The following NEGR1 variants were observed in gnomAD, a reference collection of about 807,000 sequenced individuals.
NEGR1 encodes the protein neuronal growth regulator 1, also known as IgLON family member 4.
In NEGR1, 10 loss-of-function variants were observed where a neutral mutation model predicts 40.9. That is an observed-to-expected ratio of 0.24 (90% CI 0.15 to 0.42). The LOEUF (loss-of-function observed/expected upper bound fraction) is 0.42, where lower values mean the gene tolerates loss of function less well. NEGR1 is among the 10% of genes least tolerant of loss of function. NEGR1 has a pLI of 1.00. For missense variants in NEGR1, 352 were observed against 438.9 expected (o/e 0.80, Z 1.77); for synonymous variants, 185 against 166.8 (o/e 1.11, Z -0.84).
rs1275609590 is a variant in NEGR1, at chr1:71,406,231, A to G, written c.*1215T>C. 1.3e-5 allele frequency: 2 copies of G among 151,930 alleles called. No individual in the cohort carries two copies. Among genetic ancestry groups the G allele is most frequent in the Non-Finnish European group, 2.9e-5 (2 of 67,880 alleles). The allele number at this position is 151,930 out of a possible 1,614,324, so 9.4% of individuals were successfully genotyped here. A position where few individuals can be genotyped will look rare whatever the true frequency, so the allele number is the denominator to read the frequency against. On this transcript the variant is annotated 3_prime_UTR_variant, in exon 7 of 7. Transcript: ENST00000357731. ...TACATACCGATATAGAATGTTTGTT[A>G]TAATATATTTTGGAAGTTTTAAAAT...
intron 1 of NEGR1, among the ~76,000 whole-genome samples, chr1:72,071,908 A>G (rs1343934465): frequency 2.0e-5 from 3 of 152,128 alleles, no homozygotes; most frequent in Admixed American, 1.3e-4. Context: ...AAATGTAAAC[A>G]TTGTGCTCTC....
At chr1:72,031,495 C>T (rs901635249) in intron 1 of NEGR1, among the ~76,000 whole-genome samples, 10 of 152,234 alleles carry the variant, frequency 6.6e-5, no homozygotes, top group Middle Eastern at 3.4e-3. Flanking sequence ...AAAATTGACC[C>T]CTTTCAATTG....
intron 1 of NEGR1, among the ~76,000 whole-genome samples, chr1:72,085,037 C>G (rs936065005): frequency 2.0e-5 from 3 of 152,132 alleles, no homozygotes; most frequent in African/African-American, 2.4e-5. Flanking sequence ...AGCACATTTT[C>G]AAAGCTCAAG....
chr1:72,031,417 G>T (rs1429387354), intron 1 of NEGR1, among the ~76,000 whole-genome samples: 3 of 152,056 alleles, frequency 2.0e-5, no homozygotes, highest in Admixed American at 6.5e-5. Flanking sequence ...TTAAAATTTT[G>T]CTGGACATTT....
At chr1:71,787,240 A>T (rs1656944766) in intron 2 of NEGR1, among the ~76,000 whole-genome samples, 1 of 152,246 alleles carries the variant, frequency 6.6e-6, no homozygotes, top group Non-Finnish European at 1.5e-5. Flanking sequence ...TGACTTCACA[A>T]CTTACCATAA....
At chr1:71,464,294 G>A (rs547335016) in intron 6 of NEGR1, among the ~76,000 whole-genome samples, 5 of 152,142 alleles carry the variant, frequency 3.3e-5, no homozygotes, top group African/African-American at 7.2e-5. Context: ...AAGAGAATAC[G>A]GCAAATCTGT....
At chr1:71,616,869 A>C (rs923463134) in intron 4 of NEGR1, among the ~76,000 whole-genome samples, 3 of 152,190 alleles carry the variant, frequency 2.0e-5, no homozygotes, top group Non-Finnish European at 4.4e-5. Context: ...AGAAAGCTGC[A>C]TTTAAAAGAA....
rs186148681 is a variant in NEGR1 at position 71,489,315 on chromosome 1, G to A, written c.941-81745C>T. Reference sequence around the variant, plus strand: ...ATAGCAGTGGCCCAAACAGTTTCAGGCTGAGATTCCAGTTTTCTAATTCGT... The same window carrying A: ...ATAGCAGTGGCCCAAACAGTTTCAGACTGAGATTCCAGTTTTCTAATTCGT... On this transcript the variant is annotated intron_variant, in intron 6 of 6. Coordinates refer to ENST00000357731, the MANE Select transcript of NEGR1 (RefSeq NM_173808.3). 2.1e-3 allele frequency among the ~76,000 whole-genome samples: 326 copies of A among 151,908 alleles called. 2 individuals carry two copies. Among genetic ancestry groups the A allele is most frequent in the African/African-American group, 7.5e-3 (313 of 41,482 alleles).
At chr1:71,476,549 C>G (rs1010891838) in intron 6 of NEGR1, among the ~76,000 whole-genome samples, 1 of 152,008 alleles carries the variant, frequency 6.6e-6, no homozygotes, top group Non-Finnish European at 1.5e-5. Flanking sequence ...CCACAACAAC[C>G]ATGTGATTTA....
chr1:71,446,135 G>T (rs1041312896), intron 6 of NEGR1, among the ~76,000 whole-genome samples: 1 of 152,156 alleles, frequency 6.6e-6, no homozygotes, highest in East Asian at 1.9e-4. Context: ...GTGGCCTTTA[G>T]AACATCTATG....
chr1:71,565,097 G>A (rs1184565524), intron 6 of NEGR1, among the ~76,000 whole-genome samples: 1 of 152,074 alleles, frequency 6.6e-6, no homozygotes, highest in Non-Finnish European at 1.5e-5. Context: ...TTTATTGAGA[G>A]GTAACCAGAT....
intron 6 of NEGR1, among the ~76,000 whole-genome samples, chr1:71,560,371 A>T (rs1407686785): frequency 6.7e-6 from 1 of 148,150 alleles, no homozygotes; most frequent in East Asian, 2.0e-4. Flanking sequence ...GAAAACAAAT[A>T]AAACTGATGC....
chr1:72,277,274 T>A (rs981468394), intron 1 of NEGR1, among the ~76,000 whole-genome samples: 1 of 152,116 alleles, frequency 6.6e-6, no homozygotes, highest in African/African-American at 2.4e-5. Flanking sequence ...GGACAAAGTA[T>A]GGGTCTGGCC....
chr1:72,239,343 T>A, intron 1 of NEGR1, among the ~76,000 whole-genome samples: 1 of 151,870 alleles, frequency 6.6e-6, no homozygotes, highest in African/African-American at 2.4e-5. Flanking sequence ...CATCAAATTC[T>A]GTTTAGTTGA....
chr1:72,132,310 T>C (rs1452916386), intron 1 of NEGR1, among the ~76,000 whole-genome samples: 4 of 152,092 alleles, frequency 2.6e-5, no homozygotes, highest in African/African-American at 7.2e-5. Flanking sequence ...TGTCATGAAG[T>C]AGCCCAGTTT....
At chr1:72,105,890 T>C (rs1303808408) in intron 1 of NEGR1, among the ~76,000 whole-genome samples, 1 of 152,138 alleles carries the variant, frequency 6.6e-6, no homozygotes, top group African/African-American at 2.4e-5. Context: ...AGTGTTAAGT[T>C]TACTGAGAGC....
At chr1:71,733,361 T>G (rs2101666932) in intron 3 of NEGR1, among the ~76,000 whole-genome samples, 1 of 152,314 alleles carries the variant, frequency 6.6e-6, no homozygotes, top group African/African-American at 2.4e-5. Flanking sequence ...AGCATCTGAG[T>G]GAGAACATTC....
At chr1:71,578,105 A>T (rs1485616064) in intron 6 of NEGR1, among the ~76,000 whole-genome samples, 1 of 152,040 alleles carries the variant, frequency 6.6e-6, no homozygotes, top group Non-Finnish European at 1.5e-5. Flanking sequence ...CTTTTCTCAC[A>T]CCCATCAGTT....
intron 2 of NEGR1, among the ~76,000 whole-genome samples, chr1:71,933,365 G>A (rs551296891): frequency 1.3e-5 from 2 of 152,118 alleles, no homozygotes; most frequent in African/African-American, 4.8e-5. Context: ...ATGGAAAAAG[G>A]AAAATGGAAT....
Sources: gnomAD v4.1 joint callset for allele counts (sites outside exome capture counted in the v4.1 genomes callset) on GRCh38, gnomAD v4.1.1 for gene constraint, MANE v1.5 for transcripts, NCBI Gene and HGNC (gene_info 2026-07-23, HGNC 2026-07-21) for gene names.